PAK1: variants seen among roughly 807,000 people sequenced by gnomAD.
PAK1 encodes serine/threonine-protein kinase PAK 1.
A neutral mutation model predicts 67.4 loss-of-function variants in PAK1; 29 were observed. The ratio of observed to expected loss-of-function variants is 0.43; its 90% confidence interval spans 0.32 to 0.59. PAK1 has a LOEUF of 0.59. PAK1 is among the 20% of genes least tolerant of loss of function. The probability of loss-of-function intolerance (pLI) is 0.07; values close to 1 mark genes in which losing one functional copy is unlikely to be tolerated. For missense variants in PAK1, 337 were observed against 670.7 expected (o/e 0.50, Z 5.50); for synonymous variants, 223 against 237.4 (o/e 0.94, Z 0.56).
chr11:77,420,209 A>T (rs1329676228), intron 1 of PAK1, among the ~76,000 whole-genome samples: 1 of 152,210 alleles, frequency 6.6e-6, no homozygotes, highest in African/African-American at 2.4e-5. Flanking sequence ...AGTGAATCAC[A>T]AAAACAAAGG....
the PAK1 span, among the ~76,000 whole-genome samples, chr11:77,490,252 C>A: frequency 4.6e-5 from 7 of 151,586 alleles, no homozygotes; most frequent in African/African-American, 1.7e-4. Flanking sequence ...GCGTCTCCGC[C>A]CGGCCAGCCG....
chr11:77,422,739 G>A lies in PAK1; in HGVS notation c.-21-30198C>T, dbSNP rs992024522. On this transcript the variant is annotated intron_variant, in intron 1 of 14. Coordinates refer to ENST00000356341, the MANE Select transcript of PAK1 (RefSeq NM_002576.5). Reference sequence around the variant, plus strand: ...TGTGCATGTGACAAAGTTCTAGTCAGTAAGTTTCTAAGGATTCTGGGGAAA... The same window carrying A: ...TGTGCATGTGACAAAGTTCTAGTCAATAAGTTTCTAAGGATTCTGGGGAAA... Among the ~76,000 whole-genome samples the A allele has an allele frequency of 2.0e-5, 3 of 152,154 alleles. No individual in the cohort carries two copies. The South Asian group carries it at 6.2e-4, about 32-fold the overall frequency.
rs550044298 is a variant in PAK1, at chr11:77,457,046, A to G, written c.-22+16506T>C. On this transcript the variant is annotated intron_variant, in intron 1 of 14. Coordinates refer to ENST00000356341, the MANE Select transcript of PAK1 (RefSeq NM_002576.5). ...ATGAACTGCCGCACCCAGCCAAAGCAGGTACTATTATTAGTACCATTTCAC... is the reference window on the plus strand; with the variant it reads ...ATGAACTGCCGCACCCAGCCAAAGCGGGTACTATTATTAGTACCATTTCAC... Among the ~76,000 whole-genome samples, 32 of 152,280 alleles carry G rather than the reference A, an allele frequency of 2.1e-4. No homozygotes were observed. In the East Asian group the frequency reaches 5.4e-3, roughly 26 times the overall value.
intron 1 of PAK1, among the ~76,000 whole-genome samples, chr11:77,432,976 G>C (rs2138342237): frequency 6.6e-6 from 1 of 152,272 alleles, no homozygotes; most frequent in Middle Eastern, 3.4e-3. Context: ...AGACAGTATG[G>C]TATTGGCATA....
chr11:77,337,254 G>A, intron 12 of PAK1, 70 bp downstream of exon 12: 1 of 720,760 alleles, frequency 1.4e-6, no homozygotes, highest in South Asian at 1.8e-5. Context: ...ACTATTATAT[G>A]ATGACCATCT....
chr11:77,459,746 G>A (rs1251937483), intron 1 of PAK1, among the ~76,000 whole-genome samples: 1 of 140,578 alleles, frequency 7.1e-6, no homozygotes, highest in Non-Finnish European at 1.5e-5. Flanking sequence ...AGGCCGGACT[G>A]CAGTGGCGCG....
the PAK1 span, among the ~76,000 whole-genome samples, chr11:77,497,596 G>A: frequency 1.3e-5 from 2 of 152,214 alleles, no homozygotes; most frequent in Non-Finnish European, 2.9e-5. Context: ...CTCTGAGATC[G>A]TGTGTGTGGT....
chr11:77,435,210 T>C (rs1565701002), intron 1 of PAK1, among the ~76,000 whole-genome samples: 1 of 151,778 alleles, frequency 6.6e-6, no homozygotes, highest in Non-Finnish European at 1.5e-5. Context: ...TTTCATGGTA[T>C]GTGAATTATC....
In PAK1 at chr11:77,363,269, AATGTGACAACCCAACCCAGAGAGGAG is replaced by A. The variant is rs1947050469; in HGVS notation, c.478-4278_478-4253del. ...CAAACAGATTGAAAATGGCCACTGA[AATGTGACAACCCAACCCAGAGAGGAG>A]ATGAGATGGTAGCCAGGGTGTGCTC... On this transcript the variant is annotated intron_variant, in intron 5 of 14. Transcript: ENST00000356341. Among the ~76,000 whole-genome samples, 5 of 152,228 alleles carry A rather than the reference AATGTGACAACCCAACCCAGAGAGGAG, an allele frequency of 3.3e-5. No homozygotes were observed. The South Asian group carries it at 1.0e-3, about 32-fold the overall frequency.
At chr11:77,397,727 G>A (rs1392964198) in intron 1 of PAK1, among the ~76,000 whole-genome samples, 3 of 152,132 alleles carry the variant, frequency 2.0e-5, no homozygotes, top group African/African-American at 4.8e-5. Context: ...CACAGTCACC[G>A]GTATAAAACA....
the PAK1 span, among the ~76,000 whole-genome samples, chr11:77,497,485 A>G: frequency 1.3e-5 from 2 of 152,220 alleles, no homozygotes; most frequent in African/African-American, 4.8e-5. Flanking sequence ...CTCAAAGTGC[A>G]CATACCAACT....
the PAK1 span, among the ~76,000 whole-genome samples, chr11:77,486,212 CT>C: frequency 6.6e-6 from 1 of 152,028 alleles, no homozygotes; most frequent in Non-Finnish European, 1.5e-5. Flanking sequence ...TAAAAGTTGA[CT>C]ATTGCAGGCC....
At chr11:77,519,324 C>T in the PAK1 span, among the ~76,000 whole-genome samples, 1 of 152,114 alleles carries the variant, frequency 6.6e-6, no homozygotes. Context: ...TATAAAATAT[C>T]CCACATTCTG....
chr11:77,383,756 A>G (rs2137196314), intron 2 of PAK1, among the ~76,000 whole-genome samples: 1 of 152,282 alleles, frequency 6.6e-6, no homozygotes, highest in East Asian at 1.9e-4. Flanking sequence ...GAACCCAATT[A>G]ATCCCTTCTT....
At chr11:77,453,454 T>C (rs1956947795) in intron 1 of PAK1, among the ~76,000 whole-genome samples, 1 of 151,862 alleles carries the variant, frequency 6.6e-6, no homozygotes, top group Admixed American at 6.6e-5. Flanking sequence ...TCTAAACACC[T>C]TTCCCACTGA....
intron 1 of PAK1, among the ~76,000 whole-genome samples, chr11:77,434,049 A>C (rs1955990192): frequency 1.3e-5 from 2 of 151,876 alleles, no homozygotes; most frequent in Non-Finnish European, 2.9e-5. Context: ...GAAATGTAAA[A>C]TGGTACAGCC....
intron 4 of PAK1, among the ~76,000 whole-genome samples, chr11:77,377,272 C>A (rs1177364543): frequency 1.3e-5 from 2 of 152,010 alleles, no homozygotes; most frequent in Non-Finnish European, 2.9e-5. Context: ...AGGTAATTCA[C>A]ATGTGAGCAT....
At chr11:77,409,080 C>T (rs1236573341) in intron 1 of PAK1, among the ~76,000 whole-genome samples, 1 of 151,540 alleles carries the variant, frequency 6.6e-6, no homozygotes, top group East Asian at 1.9e-4. Flanking sequence ...CTCTGGGCAA[C>T]ATAAGGAGAC....
chr11:77,368,842 G>GT (rs1008569388), intron 5 of PAK1, among the ~76,000 whole-genome samples: 15 of 151,948 alleles, frequency 9.9e-5, no homozygotes, highest in African/African-American at 3.6e-4. Flanking sequence ...TATTACAGGC[G>GT]TGAGCCACCG....
Sources: allele counts gnomAD v4.1 joint callset (sites outside exome capture counted in the v4.1 genomes callset), GRCh38; gene constraint gnomAD v4.1.1; transcripts MANE v1.5; gene names NCBI Gene and HGNC (gene_info 2026-07-23, HGNC 2026-07-21).